The following KCTD16 variants were observed in gnomAD, a reference collection of about 807,000 sequenced individuals.
The protein encoded by KCTD16 is potassium channel tetramerization domain containing 16.
KCTD16 carries 13 observed loss-of-function variants against 33.2 expected under a neutral mutation model. The observed-to-expected ratio is 0.39, with a 90% CI of 0.25 to 0.62. KCTD16 has a LOEUF of 0.62. Among genes scored for constraint, KCTD16 ranks in the 20% least tolerant of loss-of-function variants. KCTD16 has a pLI of 0.50. For missense variants in KCTD16, 441 were observed against 525.1 expected, an observed-to-expected ratio of 0.84 and a Z score of 1.57; for synonymous variants, 197 against 195.3, an observed-to-expected ratio of 1.01 and a Z score of -0.07.
intron 3 of KCTD16, among the ~76,000 whole-genome samples, chr5:144,276,305 A>G (rs1755436011): frequency 2.0e-5 from 3 of 152,168 alleles, no homozygotes. Context: ...TACCTATATT[A>G]ATGTTTATAG....
intron 3 of KCTD16, among the ~76,000 whole-genome samples, chr5:144,345,304 T>C (rs1030791670): frequency 1.3e-5 from 2 of 151,932 alleles, no homozygotes. Flanking sequence ...TGTATACTTA[T>C]GTAACTAAGC....
At position 144,482,697 on chromosome 5, in the gene KCTD16, G is replaced by A. The variant is rs188873880; in HGVS notation, c.*8583G>A. 1 of 151,992 alleles carries A rather than the reference G, an allele frequency of 6.6e-6. No homozygotes were observed. The highest frequency in any genetic ancestry group is 1.9e-4 in the East Asian group (1 of 5,156). The allele number at this position is 151,992 out of a possible 1,614,324, so 9.4% of individuals were successfully genotyped here. On this transcript the variant is annotated 3_prime_UTR_variant, in exon 4 of 4. Coordinates refer to ENST00000512467, the MANE Select transcript of KCTD16 (RefSeq NM_020768.4). ...TACGTGCATGCATGTGTGAGTGTGT[G>A]TGTGTGAGGAGTGTGTGTATTTATG...
At chr5:144,330,466 A>C (rs1266757329) in intron 3 of KCTD16, among the ~76,000 whole-genome samples, 1 of 151,872 alleles carries the variant, frequency 6.6e-6, no homozygotes, top group East Asian at 1.9e-4. Context: ...TGGGATTATA[A>C]AAATAATCTG....
chr5:144,255,673 T>C (rs1426728696), intron 3 of KCTD16, among the ~76,000 whole-genome samples: 1 of 152,214 alleles, frequency 6.6e-6, no homozygotes, highest in Non-Finnish European at 1.5e-5. Flanking sequence ...ATTTTTGATA[T>C]TGAGTAAAAG....
intron 2 of KCTD16, among the ~76,000 whole-genome samples, chr5:144,202,536 G>A (rs1753067008): frequency 6.6e-6 from 1 of 152,132 alleles, no homozygotes; most frequent in East Asian, 1.9e-4. Flanking sequence ...CAACATGAAT[G>A]GGCTTCAGGC....
At chr5:144,356,523 T>A (rs1284135044) in intron 3 of KCTD16, among the ~76,000 whole-genome samples, 1 of 152,136 alleles carries the variant, frequency 6.6e-6, no homozygotes, top group East Asian at 1.9e-4. Context: ...AATTTTCACT[T>A]GAATTTCAGT....
intron 3 of KCTD16, among the ~76,000 whole-genome samples, chr5:144,320,271 A>G (rs959308142): frequency 1.3e-5 from 2 of 152,190 alleles, no homozygotes; most frequent in Admixed American, 6.6e-5. Flanking sequence ...AGGGCTAAAA[A>G]GGAAAAAGGT....
chr5:144,177,736 G>C (rs1580768116), intron 2 of KCTD16, among the ~76,000 whole-genome samples: 1 of 152,072 alleles, frequency 6.6e-6, no homozygotes. Flanking sequence ...GATTATCTCT[G>C]TAAAGATCTT....
At position 144,263,011 on chromosome 5, in the gene KCTD16, A is replaced by G. The variant is rs547803223; in HGVS notation, c.832+55465A>G. ...ATGACCTGGTGACTATATATAATGG[A>G]TTTTCCCAAGTCAGGACACATTTGA... On this transcript the variant is annotated intron_variant, in intron 3 of 3. Transcript: ENST00000512467. Among the ~76,000 whole-genome samples, 131 of 152,264 alleles carry G rather than the reference A, an allele frequency of 8.6e-4. 4 individuals are homozygous for G. The South Asian group carries it at 0.026, about 30-fold the overall frequency.
intron 3 of KCTD16, among the ~76,000 whole-genome samples, chr5:144,221,442 AG>A (rs1341387414): frequency 6.6e-6 from 1 of 151,458 alleles, no homozygotes; most frequent in Non-Finnish European, 1.5e-5. Context: ...GACAGGCCCC[AG>A]TGTGTGATGA....
chr5:144,369,233 A>G (rs1224328999), intron 3 of KCTD16: 1 of 152,134 alleles, frequency 6.6e-6, no homozygotes, highest in Admixed American at 6.5e-5. Flanking sequence ...TGTCACAGTC[A>G]AGGCTCTGAA....
At chr5:144,416,222 A>C (rs1174313716) in intron 3 of KCTD16, among the ~76,000 whole-genome samples, 1 of 152,194 alleles carries the variant, frequency 6.6e-6, no homozygotes, top group Non-Finnish European at 1.5e-5. Flanking sequence ...CAGTCCATCC[A>C]TCTCCAAAAT....
intron 3 of KCTD16, among the ~76,000 whole-genome samples, chr5:144,452,480 G>A (rs141344765): frequency 1.3e-3 from 195 of 151,962 alleles, no homozygotes; most frequent in Middle Eastern, 3.4e-3. Flanking sequence ...GAAGTGGATT[G>A]GGGGGAGCAA....
At chr5:144,232,209 T>C (rs1754123333) in intron 3 of KCTD16, among the ~76,000 whole-genome samples, 1 of 152,178 alleles carries the variant, frequency 6.6e-6, no homozygotes, top group Non-Finnish European at 1.5e-5. Flanking sequence ...TACTTGATGG[T>C]TTGCCAAAGG....
chr5:144,426,667 G>A (rs1753337710), intron 3 of KCTD16, among the ~76,000 whole-genome samples: 2 of 152,010 alleles, frequency 1.3e-5, no homozygotes, highest in South Asian at 4.1e-4. Context: ...TCTGAAAGTT[G>A]GAAAGTCCAG....
chr5:144,411,685 G>A (rs1439532757), intron 3 of KCTD16, among the ~76,000 whole-genome samples: 1 of 152,046 alleles, frequency 6.6e-6, no homozygotes, highest in East Asian at 1.9e-4. Flanking sequence ...CCGGCAAATA[G>A]AATTACATCA....
intron 3 of KCTD16, among the ~76,000 whole-genome samples, chr5:144,440,615 T>C (rs1303428066): frequency 6.6e-6 from 1 of 151,898 alleles, no homozygotes; most frequent in Non-Finnish European, 1.5e-5. Flanking sequence ...GAGGATTCCT[T>C]GAGGTCAGGA....
chr5:144,334,825 G>A (rs1752442479), intron 3 of KCTD16, among the ~76,000 whole-genome samples: 1 of 152,034 alleles, frequency 6.6e-6, no homozygotes, highest in South Asian at 2.1e-4. Context: ...CACCCGGGTT[G>A]GAGTGTGATG....
At chr5:144,340,476 G>A (rs935154066) in intron 3 of KCTD16, among the ~76,000 whole-genome samples, 6 of 151,794 alleles carry the variant, frequency 4.0e-5, no homozygotes, top group Non-Finnish European at 8.8e-5. Flanking sequence ...AAAACCATGG[G>A]AGCTGGATGA....
Sources: gnomAD v4.1 joint callset for allele counts (sites outside exome capture counted in the v4.1 genomes callset) on GRCh38, gnomAD v4.1.1 for gene constraint, MANE v1.5 for transcripts, NCBI Gene and HGNC (gene_info 2026-07-23, HGNC 2026-07-21) for gene names.